Variants in VPS13B observed in about 807,000 individuals in gnomAD.
VPS13B encodes intermembrane lipid transfer protein VPS13B.
In VPS13B, 285 loss-of-function variants were observed where a neutral mutation model predicts 426.4. The ratio of observed to expected loss-of-function variants is 0.67; its 90% CI spans 0.61 to 0.74. VPS13B has a LOEUF of 0.74. VPS13B is among the 30% of genes least tolerant of loss of function. The probability of loss-of-function intolerance (pLI) is 0.00; values close to 1 mark genes in which losing one functional copy is unlikely to be tolerated. For synonymous variants in VPS13B, 1,676 were observed against 1,676.4 expected, an observed-to-expected ratio of 1.00 and a Z score of 0.01; for missense variants, 4,537 against 4,782.6, an observed-to-expected ratio of 0.95 and a Z score of 1.51.
chr8:99,433,097 A>G (rs767653280), intron 22 of VPS13B, among the ~76,000 whole-genome samples: 5 of 152,252 alleles, frequency 3.3e-5, no homozygotes, highest in African/African-American at 4.8e-5. Flanking sequence ...TGGGTACTCA[A>G]TAACACTTGT....
intron 35 of VPS13B, among the ~76,000 whole-genome samples, chr8:99,684,576 A>G (rs1831300580): frequency 6.6e-6 from 1 of 152,172 alleles, no homozygotes; most frequent in Admixed American, 6.5e-5. Flanking sequence ...TTTTGGTAGT[A>G]TTTTGAATTC....
At chr8:99,746,987 T>A (rs1810124202) in intron 39 of VPS13B, among the ~76,000 whole-genome samples, 1 of 152,136 alleles carries the variant, frequency 6.6e-6, no homozygotes, top group South Asian at 2.1e-4. Context: ...AACATTTTTA[T>A]AAAATGAAAA....
At chr8:99,390,894 GC>G (rs1814406920) in intron 20 of VPS13B, among the ~76,000 whole-genome samples, 2 of 152,148 alleles carry the variant, frequency 1.3e-5, no homozygotes, top group Admixed American at 1.3e-4. Context: ...AGATGAAACA[GC>G]TGCTTTATTG....
At chr8:99,309,362 G>C (rs1820824159) in intron 19 of VPS13B, among the ~76,000 whole-genome samples, 1 of 152,158 alleles carries the variant, frequency 6.6e-6, no homozygotes. Flanking sequence ...TTTTGTATAA[G>C]GTGTAAGGAA....
At chr8:99,213,820 CTTTTT>C (rs11304124) in intron 17 of VPS13B, among the ~76,000 whole-genome samples, 1 of 131,094 alleles carries the variant, frequency 7.6e-6, no homozygotes, top group Non-Finnish European at 1.7e-5. Context: ...TGCTGGATGC[CTTTTT>C]TTTTTTTTTT....
In VPS13B at chr8:99,572,752, G is replaced by A. The variant is rs182074615; in HGVS notation, c.4950-2906G>A. Among the ~76,000 whole-genome samples the A allele has an allele frequency of 7.1e-3, 1,081 of 152,194 alleles. 12 individuals carry two copies. The highest frequency in any genetic ancestry group is 0.024 in the African/African-American group (1,015 of 41,492). On this transcript the variant is annotated intron_variant, in intron 31 of 61. Transcript: ENST00000357162. ...AGTCTTTGCTATTGTGAATAGTGCC[G>A]CAGTAAACATACGTGTGCATGTGTC...
intron 17 of VPS13B, among the ~76,000 whole-genome samples, chr8:99,244,837 A>C (rs1263578564): frequency 6.6e-6 from 1 of 152,228 alleles, no homozygotes; most frequent in Admixed American, 6.5e-5. Flanking sequence ...TACATTAGCT[A>C]AATGAGTACC....
chr8:99,148,510 C>T (rs1824417700), intron 14 of VPS13B, among the ~76,000 whole-genome samples: 3 of 151,816 alleles, frequency 2.0e-5, no homozygotes. Context: ...TAAACTTAAT[C>T]TTGAGAGTGT....
At chr8:99,067,308 C>T (rs1408238818) in intron 3 of VPS13B, among the ~76,000 whole-genome samples, 2 of 152,068 alleles carry the variant, frequency 1.3e-5, no homozygotes, top group African/African-American at 2.4e-5. Flanking sequence ...GAATACTATG[C>T]AGCCATAAAA....
At chr8:99,128,732 G>A (rs1479412847) in intron 8 of VPS13B, among the ~76,000 whole-genome samples, 1 of 145,584 alleles carries the variant, frequency 6.9e-6, no homozygotes, top group Non-Finnish European at 1.6e-5. Flanking sequence ...TGGGGTTGCA[G>A]CAGTGGAAAA....
At chr8:99,097,523 T>G (rs1413039953) in intron 4 of VPS13B, among the ~76,000 whole-genome samples, 3 of 152,128 alleles carry the variant, frequency 2.0e-5, no homozygotes, top group Non-Finnish European at 4.4e-5. Context: ...AGATGAGCTC[T>G]AATGAACCAC....
At chr8:99,113,571 T>C (rs1461364344) in intron 6 of VPS13B, among the ~76,000 whole-genome samples, 1 of 152,140 alleles carries the variant, frequency 6.6e-6, no homozygotes, top group Admixed American at 6.5e-5. Flanking sequence ...TTTCTTTTCT[T>C]CTTTTTTTTT....
intron 36 of VPS13B, among the ~76,000 whole-genome samples, chr8:99,703,716 A>G (rs555477317): frequency 9.2e-5 from 14 of 152,300 alleles, no homozygotes; most frequent in Non-Finnish European, 1.3e-4. Flanking sequence ...AACCAAAAGT[A>G]TATAGCTATA....
At chr8:99,862,096 C>A in intron 58 of VPS13B, 150 bp downstream of exon 58, 1 of 927,296 alleles carries the variant, frequency 1.1e-6, no homozygotes, top group Non-Finnish European at 1.6e-6. Context: ...TACAGTGCGT[C>A]CCGCCGGGGG....
At chr8:99,332,698 T>G (rs1411115459) in intron 19 of VPS13B, among the ~76,000 whole-genome samples, 1 of 151,630 alleles carries the variant, frequency 6.6e-6, no homozygotes, top group Non-Finnish European at 1.5e-5. Context: ...TTAAGAGACT[T>G]TATTCATTTT....
At chr8:99,295,383 A>G (rs1819975540) in intron 19 of VPS13B, among the ~76,000 whole-genome samples, 1 of 152,222 alleles carries the variant, frequency 6.6e-6, no homozygotes, top group South Asian at 2.1e-4. Flanking sequence ...TGACAGAAGA[A>G]TCTAAAGTGG....
chr8:99,870,901 G>T lies in VPS13B; in HGVS notation c.11495+14G>T. The T allele has an allele frequency of 6.2e-7, 1 of 1,611,444 alleles. No homozygotes were observed. Among genetic ancestry groups the T allele is most frequent in the Non-Finnish European group, 8.5e-7 (1 of 1,177,612 alleles). On this transcript the variant is annotated intron_variant, in intron 60 of 61. Coordinates refer to ENST00000357162, the MANE Select transcript of VPS13B (RefSeq NM_152564.5). Reference sequence around the variant, plus strand: ...CAAATATGTCTGGTAAAATTATTGAGATACGTGCTCAACTTTACATCCATA... The same window carrying T: ...CAAATATGTCTGGTAAAATTATTGATATACGTGCTCAACTTTACATCCATA...
intron 16 of VPS13B, among the ~76,000 whole-genome samples, chr8:99,178,914 G>A (rs952792942): frequency 1.3e-5 from 2 of 152,048 alleles, no homozygotes; most frequent in African/African-American, 4.8e-5. Flanking sequence ...GAGCCACTGC[G>A]CCCGCCCTAG....
intron 39 of VPS13B, among the ~76,000 whole-genome samples, chr8:99,745,661 G>T (rs185941038): frequency 1.2e-3 from 178 of 152,124 alleles, no homozygotes; most frequent in African/African-American, 3.9e-3. Flanking sequence ...TATCCCTCAT[G>T]GATAAGGAAG....
Sources: allele counts gnomAD v4.1 joint callset (sites outside exome capture counted in the v4.1 genomes callset), GRCh38; gene constraint gnomAD v4.1.1; transcripts MANE v1.5; gene names NCBI Gene and HGNC (gene_info 2026-07-23, HGNC 2026-07-21).